The following HAPSTR1 variants were observed in gnomAD, a reference collection of about 807,000 sequenced individuals.
The protein encoded by HAPSTR1 is HUWE1 associated protein modifying stress responses.
the HAPSTR1 span, chr16:9,110,874 C>T: frequency 6.6e-6 from 1 of 152,366 alleles, no homozygotes; most frequent in Non-Finnish European, 1.5e-5. Flanking sequence ...CCCGTCTCTA[C>T]TAAAAATACA....
chr16:9,107,832 C>T, the HAPSTR1 span: 5 of 152,062 alleles, frequency 3.3e-5, no homozygotes, highest in South Asian at 4.1e-4. Context: ...CTGTTCCATT[C>T]TCCTCGGGAC....
the HAPSTR1 span, among the ~76,000 whole-genome samples, chr16:9,114,931 C>G: frequency 1.3e-5 from 2 of 152,158 alleles, no homozygotes; most frequent in Admixed American, 6.5e-5. Context: ...TTAATAGGTG[C>G]TAGCCTTGGA....
the HAPSTR1 span, chr16:9,109,850 A>C: frequency 6.6e-6 from 1 of 151,998 alleles, no homozygotes; most frequent in South Asian, 2.1e-4. Flanking sequence ...CTTAGTGTTG[A>C]TTGCCGAGGC....
At chr16:9,098,901 G>C in the HAPSTR1 span, among the ~76,000 whole-genome samples, 3 of 152,164 alleles carry the variant, frequency 2.0e-5, no homozygotes, top group Admixed American at 1.3e-4. Flanking sequence ...TTGAACTTCA[G>C]TTCCTTGTTA....
chr16:9,111,709 A>C, the HAPSTR1 span: 3 of 152,218 alleles, frequency 2.0e-5, no homozygotes, highest in South Asian at 6.2e-4. Flanking sequence ...ATATTCATTC[A>C]AGTTCAATTT....
the HAPSTR1 span, chr16:9,118,982 G>A: frequency 5.2e-5 from 8 of 152,568 alleles, no homozygotes; most frequent in African/African-American, 1.2e-4. Flanking sequence ...TTGATAAAAC[G>A]TGCCATTTTC....
the HAPSTR1 span, chr16:9,092,013 G>C: frequency 1.4e-6 from 2 of 1,473,988 alleles, no homozygotes; most frequent in South Asian, 1.3e-5. Context: ...ACGCGGCGGC[G>C]GTGGCGGCGA....
chr16:9,107,303 C>G, the HAPSTR1 span: 1 of 152,210 alleles, frequency 6.6e-6, no homozygotes, highest in Non-Finnish European at 1.5e-5. Flanking sequence ...AGAGCGATTC[C>G]TTTTTCTGTT....
chr16:9,097,778 A>G, the HAPSTR1 span, among the ~76,000 whole-genome samples: 1 of 152,184 alleles, frequency 6.6e-6, no homozygotes, highest in Non-Finnish European at 1.5e-5. Context: ...TCTTAGAGCC[A>G]CTCAGTAAAG....
chr16:9,103,348 T>C, the HAPSTR1 span: 84 of 1,377,344 alleles, frequency 6.1e-5, no homozygotes, highest in Admixed American at 1.0e-4. Context: ...GGTCCAGATA[T>C]ACTGTTTTTT....
the HAPSTR1 span, chr16:9,092,325 C>T: frequency 2.2e-6 from 3 of 1,338,100 alleles, no homozygotes; most frequent in South Asian, 3.6e-5. Context: ...CCGGGCCCGG[C>T]CCCGGCCCTA....
At chr16:9,108,199 C>T in the HAPSTR1 span, 2 of 152,016 alleles carry the variant, frequency 1.3e-5, no homozygotes, top group African/African-American at 4.8e-5. Flanking sequence ...TCACACCTAC[C>T]CTGGGTTATT....
chr16:9,094,994 A>T, the HAPSTR1 span, among the ~76,000 whole-genome samples: 3 of 152,228 alleles, frequency 2.0e-5, no homozygotes, highest in African/African-American at 7.2e-5. Context: ...ACTTCATTTA[A>T]AAATGTTTAC....
chr16:9,118,071 T>A, the HAPSTR1 span: 1 of 152,644 alleles, frequency 6.6e-6, no homozygotes, highest in Non-Finnish European at 1.5e-5. Context: ...TAGATTCCTC[T>A]TTTGAGTAAA....
chr16:9,098,329 A>G, the HAPSTR1 span, among the ~76,000 whole-genome samples: 6 of 152,132 alleles, frequency 3.9e-5, no homozygotes, highest in Non-Finnish European at 8.8e-5. Flanking sequence ...GCGAAAATCC[A>G]TCACACACAC....
At chr16:9,105,136 C>T in the HAPSTR1 span, 1 of 152,146 alleles carries the variant, frequency 6.6e-6, no homozygotes, top group African/African-American at 2.4e-5. Context: ...ATCTGTTCCA[C>T]CTGTGATTTA....
chr16:9,107,778 C>G, the HAPSTR1 span: 2 of 152,324 alleles, frequency 1.3e-5, no homozygotes, highest in East Asian at 3.8e-4. Context: ...TCTGTAGCCT[C>G]CCTGAACTGT....
the HAPSTR1 span, among the ~76,000 whole-genome samples, chr16:9,098,931 C>G: frequency 6.6e-6 from 1 of 152,146 alleles, no homozygotes; most frequent in African/African-American, 2.4e-5. Flanking sequence ...GATACCTGCT[C>G]TAATTCACAT....
At chr16:9,101,455 C>T in the HAPSTR1 span, among the ~76,000 whole-genome samples, 5 of 152,204 alleles carry the variant, frequency 3.3e-5, no homozygotes, top group African/African-American at 1.2e-4. Flanking sequence ...GATATGAATG[C>T]ACTCTATAGC....
Sources: allele counts gnomAD v4.1 joint callset (sites outside exome capture counted in the v4.1 genomes callset), GRCh38; gene constraint gnomAD v4.1.1; transcripts MANE v1.5; gene names NCBI Gene and HGNC (gene_info 2026-07-23, HGNC 2026-07-21).